Variants in TENM4 observed in about 807,000 individuals in gnomAD.
The protein encoded by TENM4 is teneurin transmembrane protein 4.
In TENM4, 82 loss-of-function variants were observed where a neutral mutation model predicts 243.3. That is an observed-to-expected ratio of 0.34 (90% confidence interval 0.28 to 0.40). The LOEUF (loss-of-function observed/expected upper bound fraction) is 0.40, where lower values mean the gene tolerates loss of function less well. Among genes scored for constraint, TENM4 ranks in the 10% least tolerant of loss-of-function variants. The pLI is 1.00. For missense variants in TENM4, 3,138 were observed against 3,673.3 expected, an observed-to-expected ratio of 0.85 and a Z score of 3.77; for synonymous variants, 1,412 against 1,456.3, an observed-to-expected ratio of 0.97 and a Z score of 0.69.
At chr11:78,702,512 C>G in intron 27 of TENM4, 109 bp from the exon 28 acceptor site, 2 of 1,303,348 alleles carry the variant, frequency 1.5e-6, no homozygotes, top group Middle Eastern at 2.7e-4. Flanking sequence ...CATATACAGT[C>G]TTGCTTGATC....
rs7925448 is a variant in TENM4 at position 79,047,970 on chromosome 11, T to C, written c.493+16768A>G. Among the ~76,000 whole-genome samples the C allele has an allele frequency of 7.0e-3, 1,062 of 152,274 alleles. 16 individuals carry two copies. The highest frequency in any genetic ancestry group is 0.025 in the African/African-American group (1,038 of 41,546). On this transcript the variant is annotated intron_variant, in intron 6 of 33. Coordinates refer to ENST00000278550, the MANE Select transcript of TENM4 (RefSeq NM_001098816.3). Reference sequence around the variant, plus strand: ...TAATATAATAACACCTATTAAGTTATTTTCATTATTATTTTTCCCAGACAC... The same window carrying C: ...TAATATAATAACACCTATTAAGTTACTTTCATTATTATTTTTCCCAGACAC...
chr11:79,179,617 T>C (rs1422370584), intron 3 of TENM4, among the ~76,000 whole-genome samples: 1 of 147,314 alleles, frequency 6.8e-6, no homozygotes, highest in African/African-American at 2.4e-5. Context: ...ATTTAGTATA[T>C]GGATTGAGAA....
chr11:78,893,613 C>T (rs1855715863), intron 7 of TENM4, among the ~76,000 whole-genome samples: 1 of 152,068 alleles, frequency 6.6e-6, no homozygotes, highest in South Asian at 2.1e-4. Flanking sequence ...CCTCTGCCTC[C>T]CTCAACTATC....
intron 16 of TENM4, among the ~76,000 whole-genome samples, chr11:78,784,089 G>C (rs1281667594): frequency 2.0e-5 from 3 of 152,168 alleles, no homozygotes; most frequent in African/African-American, 7.2e-5. Flanking sequence ...CTCTGGTATG[G>C]GAAATAACTA....
chr11:78,778,561 C>A (rs759266581), intron 17 of TENM4, 41 bp downstream of exon 17: 32 of 1,600,150 alleles, frequency 2.0e-5, no homozygotes, highest in Non-Finnish European at 2.5e-5. Context: ...CACAAACACA[C>A]ACACAAAGAC....
Position 78,832,261 on chromosome 11 carries a change from T to C in TENM4, c.1682-17866A>G, listed in dbSNP as rs369053803. Among the ~76,000 whole-genome samples the C allele has an allele frequency of 2.6e-5, 4 of 152,354 alleles. No homozygotes were observed. In the East Asian group the frequency reaches 7.7e-4, roughly 29 times the overall value. ...CCCTAGTCTATAGTGACCCTCATGG[T>C]TGGCTTTCTCAAAATTCCCTTGACA... On this transcript the variant is annotated intron_variant, in intron 12 of 33. Coordinates refer to ENST00000278550, the MANE Select transcript of TENM4 (RefSeq NM_001098816.3).
intron 1 of TENM4, among the ~76,000 whole-genome samples, chr11:79,392,643 G>A (rs922934559): frequency 3.1e-4 from 47 of 152,224 alleles, no homozygotes; most frequent in African/African-American, 1.1e-3. Flanking sequence ...GACACAGCAG[G>A]GATAAATAGG....
intron 12 of TENM4, among the ~76,000 whole-genome samples, chr11:78,831,530 C>T (rs999031571): frequency 3.3e-5 from 5 of 152,224 alleles, no homozygotes; most frequent in Non-Finnish European, 7.3e-5. Context: ...CATTGTCACT[C>T]AACCTTGGAG....
intron 1 of TENM4, among the ~76,000 whole-genome samples, chr11:79,417,388 A>T (rs1858839903): frequency 6.6e-6 from 1 of 152,096 alleles, no homozygotes; most frequent in Non-Finnish European, 1.5e-5. Flanking sequence ...GGTCCCTCTT[A>T]TCCTTTTTTG....
chr11:79,259,955 T>C (rs1437385043), intron 2 of TENM4, among the ~76,000 whole-genome samples: 1 of 152,222 alleles, frequency 6.6e-6, no homozygotes. Flanking sequence ...TAAAGAGCTA[T>C]GTGATGCAGG....
chr11:79,154,400 G>A (rs1439427606), intron 3 of TENM4, among the ~76,000 whole-genome samples: 2 of 152,064 alleles, frequency 1.3e-5, no homozygotes, highest in Non-Finnish European at 2.9e-5. Context: ...ATTCATGACA[G>A]ATCTGTCCCC....
At chr11:79,079,048 G>A (rs1227427750) in intron 4 of TENM4, among the ~76,000 whole-genome samples, 1 of 152,178 alleles carries the variant, frequency 6.6e-6, no homozygotes, top group African/African-American at 2.4e-5. Context: ...ACCTGGCCTG[G>A]ACTCCTGGGA....
At chr11:79,395,596 G>T (rs577775160) in intron 1 of TENM4, among the ~76,000 whole-genome samples, 2 of 152,180 alleles carry the variant, frequency 1.3e-5, no homozygotes, top group Non-Finnish European at 2.9e-5. Context: ...CACAGGCATC[G>T]GATTACTCAG....
At chr11:78,976,315 C>T (rs1362209541) in intron 6 of TENM4, among the ~76,000 whole-genome samples, 1 of 151,998 alleles carries the variant, frequency 6.6e-6, no homozygotes, top group African/African-American at 2.4e-5. Context: ...AAAAACCAAC[C>T]AGTGGGGAAG....
intron 19 of TENM4, among the ~76,000 whole-genome samples, chr11:78,755,633 G>C (rs1467829219): frequency 6.6e-6 from 1 of 152,022 alleles, no homozygotes; most frequent in Admixed American, 6.6e-5. Context: ...TTATCACCTT[G>C]CTCCCACCCT....
intron 27 of TENM4, among the ~76,000 whole-genome samples, chr11:78,707,333 C>A (rs1312298125): frequency 6.6e-6 from 1 of 152,216 alleles, no homozygotes; most frequent in Non-Finnish European, 1.5e-5. Flanking sequence ...AAGGACATAC[C>A]CTTGCCAAGT....
rs572663988 is a variant in TENM4, at chr11:79,246,821, A to G, written c.-264-30912T>C. On this transcript the variant is annotated intron_variant, in intron 2 of 33. Transcript: ENST00000278550. ...TACTACGAGGTGGAGGTGAGGGAAG[A>G]GGGAGAGGGTTGTTTCTTGGGAGGA... 2.0e-5 allele frequency among the ~76,000 whole-genome samples: 3 copies of G among 152,174 alleles called. No homozygotes were observed. In the South Asian group the frequency reaches 6.2e-4, roughly 32 times the overall value.
chr11:78,848,695 T>G (rs540178232), intron 12 of TENM4, among the ~76,000 whole-genome samples: 1 of 152,268 alleles, frequency 6.6e-6, no homozygotes, highest in South Asian at 2.1e-4. Flanking sequence ...TTAGAGCTGT[T>G]TACCGTATAA....
chr11:79,225,664 A>G (rs924991790), intron 2 of TENM4, among the ~76,000 whole-genome samples: 21 of 152,132 alleles, frequency 1.4e-4, no homozygotes, highest in African/African-American at 4.8e-4. Flanking sequence ...GTTTTAGTAG[A>G]GATGAGGTCT....
Sources: allele counts gnomAD v4.1 joint callset (sites outside exome capture counted in the v4.1 genomes callset), GRCh38; gene constraint gnomAD v4.1.1; transcripts MANE v1.5; gene names NCBI Gene and HGNC (gene_info 2026-07-23, HGNC 2026-07-21).